PYROXD1: variants seen among roughly 807,000 people sequenced by gnomAD.
The protein encoded by PYROXD1 is pyridine nucleotide-disulphide oxidoreductase domain 1, also known as tRNA ligase complex-associated NAD(P)H dehydrogenase PYROXD1.
Under a neutral mutation model 62.0 loss-of-function variants are expected in PYROXD1, and 42 were observed. The observed-to-expected ratio is 0.68, with a 90% confidence interval of 0.53 to 0.88. The LOEUF is 0.88. Ranked by LOEUF, PYROXD1 falls within the 40% of genes least tolerant of loss-of-function variation. The pLI, the probability that PYROXD1 is intolerant of heterozygous loss-of-function variation, is 0.00. For synonymous variants in PYROXD1, 170 were observed against 206.4 expected, an observed-to-expected ratio of 0.82 and a Z score of 1.51; for missense variants, 493 against 604.8, an observed-to-expected ratio of 0.82 and a Z score of 1.94.
rs1942394394 is a variant in PYROXD1 at position 21,446,642 on chromosome 12, G to A, written c.285+1176G>A. On this transcript the variant is annotated intron_variant, in intron 3 of 11. Coordinates refer to ENST00000240651, the MANE Select transcript of PYROXD1 (RefSeq NM_024854.5). Reference sequence around the variant, plus strand: ...GTGAAGAGTCAGGAAATTATGTACAGGCTCATGCCTATAATCCCCAGCACT... The same window carrying A: ...GTGAAGAGTCAGGAAATTATGTACAAGCTCATGCCTATAATCCCCAGCACT... Among the ~76,000 whole-genome samples, 3 of 151,900 alleles carry A rather than the reference G, an allele frequency of 2.0e-5. No homozygotes were observed. In the South Asian group the frequency reaches 6.2e-4, roughly 32 times the overall value.
chr12:21,438,824 A>G (rs1400112056), intron 1 of PYROXD1, among the ~76,000 whole-genome samples: 1 of 152,166 alleles, frequency 6.6e-6, no homozygotes, highest in Non-Finnish European at 1.5e-5. Flanking sequence ...CACTAAGTAA[A>G]CATATATGAT....
At chr12:21,452,520 C>G (rs1480539453) in intron 5 of PYROXD1, among the ~76,000 whole-genome samples, 1 of 152,048 alleles carries the variant, frequency 6.6e-6, no homozygotes, top group East Asian at 1.9e-4. Flanking sequence ...TAGCCCTCAC[C>G]ACTTTTTATT....
intron 4 of PYROXD1, among the ~76,000 whole-genome samples, chr12:21,451,701 T>G (rs572238915): frequency 4.1e-5 from 6 of 146,684 alleles, no homozygotes; most frequent in African/African-American, 1.3e-4. Context: ...CCTAGAAGTT[T>G]TAAGTGTTGA....
At chr12:21,454,512 AAT>A (rs1307631653) in intron 5 of PYROXD1, among the ~76,000 whole-genome samples, 4 of 152,002 alleles carry the variant, frequency 2.6e-5, no homozygotes, top group African/African-American at 7.2e-5. Context: ...CCTAGAATAA[AAT>A]ATCACATGCC....
At chr12:21,451,388 A>G (rs1942495497) in intron 4 of PYROXD1, among the ~76,000 whole-genome samples, 1 of 151,606 alleles carries the variant, frequency 6.6e-6, no homozygotes, top group Admixed American at 6.6e-5. Flanking sequence ...GCTCATTGTG[A>G]TCTTTTTTTT....
rs1396546987 is a variant in PYROXD1 at position 21,467,313 on chromosome 12, A to C, written c.1117-168A>C. On this transcript the variant is annotated intron_variant, in intron 10 of 11. Coordinates refer to ENST00000240651, the MANE Select transcript of PYROXD1 (RefSeq NM_024854.5). ...GGCAGTAATTTAGATAGAATTAACA[A>C]ATACCAAAAATCAGTCTGATTAGTT... The C allele has an allele frequency of 5.6e-6, 3 of 531,362 alleles. No individual in the cohort carries two copies. The Admixed American group carries it at 1.2e-4, about 20-fold the overall frequency. 32.9% of individuals were successfully genotyped at this position (531,362 alleles called of 1,614,324 possible). A position where few individuals can be genotyped will look rare whatever the true frequency, so the allele number is the denominator to read the frequency against.
At chr12:21,448,687 A>G (rs1942437456) in intron 3 of PYROXD1, among the ~76,000 whole-genome samples, 1 of 152,254 alleles carries the variant, frequency 6.6e-6, no homozygotes, top group Non-Finnish European at 1.5e-5. Flanking sequence ...TAAGTCAAAC[A>G]CTTGGCACAA....
chr12:21,438,754 TAAG>T lies in PYROXD1; in HGVS notation c.84+943_84+945del, dbSNP rs1262524065. On this transcript the variant is annotated intron_variant, in intron 1 of 11. Transcript: ENST00000240651. Reference sequence around the variant, plus strand: ...TAAACATGAGCAATCACTGAAGTCATAAGAAATAGTGGAAGAAACTCAAGTGTT... The same window carrying T: ...TAAACATGAGCAATCACTGAAGTCATAAATAGTGGAAGAAACTCAAGTGTT... Among the ~76,000 whole-genome samples, 4 of 152,302 alleles carry T rather than the reference TAAG, an allele frequency of 2.6e-5. No individual in the cohort carries two copies. In the South Asian group the frequency reaches 6.2e-4, roughly 24 times the overall value.
At chr12:21,440,234 G>A in intron 1 of PYROXD1, 134 bp from the exon 2 acceptor site, 2 of 558,754 alleles carry the variant, frequency 3.6e-6, no homozygotes, top group East Asian at 6.1e-5. Flanking sequence ...GAGACCTTTA[G>A]ATGAGGAACA....
chr12:21,462,215 T>A, intron 9 of PYROXD1, 95 bp downstream of exon 9: 1 of 706,894 alleles, frequency 1.4e-6, no homozygotes, highest in Non-Finnish European at 2.5e-6. Context: ...TATTTTAGTG[T>A]ACAACTGTAA....
intron 7 of PYROXD1, among the ~76,000 whole-genome samples, chr12:21,459,644 G>A (rs575822402): frequency 6.6e-6 from 1 of 152,276 alleles, no homozygotes. Flanking sequence ...CAACATGTGG[G>A]ACCTGATGCT....
chr12:21,441,845 G>A (rs1390861121), intron 2 of PYROXD1, among the ~76,000 whole-genome samples: 1 of 152,206 alleles, frequency 6.6e-6, no homozygotes, highest in Non-Finnish European at 1.5e-5. Context: ...TGACACACTT[G>A]CTGTTTTCAG....
chr12:21,462,188 C>T, intron 9 of PYROXD1, 68 bp downstream of exon 9: 1 of 827,246 alleles, frequency 1.2e-6, no homozygotes, highest in Non-Finnish European at 2.0e-6. Context: ...CTCTAATTCT[C>T]AAACATGAAT....
At chr12:21,450,828 A>G (rs1185258992) in intron 4 of PYROXD1, among the ~76,000 whole-genome samples, 2 of 152,206 alleles carry the variant, frequency 1.3e-5, no homozygotes, top group Admixed American at 6.5e-5. Context: ...TCGGTCCTCT[A>G]CATACATGAA....
chr12:21,462,751 A>C lies in PYROXD1; in HGVS notation c.1005A>C (p.Gly335=). 9 of 1,613,856 alleles carry C rather than the reference A, an allele frequency of 5.6e-6. No individual in the cohort carries two copies. Among genetic ancestry groups the C allele is most frequent in the Non-Finnish European group, 7.6e-6 (9 of 1,179,860 alleles). The change falls in exon 10 of 12, where the codon GGA becomes GGC. Residue 335 remains glycine, a synonymous_variant. Transcript: ENST00000240651. ...GGAATGTTGTTTAGTTTGATCTAGG[A>C]GAAGATGGTGGCCTGAAAGTGGATG... ...PFLHGNSFDL[G]EDGGLKVDDH...
At chr12:21,449,852 TTC>T (rs1203886301) in intron 4 of PYROXD1, among the ~76,000 whole-genome samples, 161 bp downstream of exon 4, 2 of 106,620 alleles carry the variant, frequency 1.9e-5, no homozygotes, top group Non-Finnish European at 2.1e-5. Context: ...CCTGCCAATT[TTC>T]TTTCTTTTTT....
chr12:21,449,415 T>G (rs1349563857), intron 3 of PYROXD1, 148 bp from the exon 4 acceptor site: 1 of 579,266 alleles, frequency 1.7e-6, no homozygotes, highest in Non-Finnish European at 3.0e-6. Flanking sequence ...GTTTTGTAAT[T>G]GCTATAACAA....
chr12:21,450,961 A>G (rs1214793771), intron 4 of PYROXD1, among the ~76,000 whole-genome samples: 1 of 152,220 alleles, frequency 6.6e-6, no homozygotes, highest in Non-Finnish European at 1.5e-5. Flanking sequence ...TATCAGATAC[A>G]CAATTTAAAC....
At position 21,470,729 on chromosome 12, in the gene PYROXD1, C is replaced by T. The variant is rs1028604098; in HGVS notation, c.*1975C>T. ...TGCATAACAAAATTAGATATTCAAA[C>T]GGAGTCCTCCCATTCCAAGAAACTG... On this transcript the variant is annotated 3_prime_UTR_variant, in exon 12 of 12. Transcript: ENST00000240651. The T allele has an allele frequency of 7.7e-5, 26 of 337,866 alleles. 1 individual carries two copies. The highest frequency in any genetic ancestry group is 5.6e-4 in the East Asian group (11 of 19,490). The allele number at this position is 337,866 out of a possible 1,614,324, so 20.9% of individuals were successfully genotyped here. A position where few individuals can be genotyped will look rare whatever the true frequency, so the allele number is the denominator to read the frequency against.
Sources: gnomAD v4.1 joint callset for allele counts (sites outside exome capture counted in the v4.1 genomes callset) on GRCh38, gnomAD v4.1.1 for gene constraint, MANE v1.5 for transcripts, NCBI Gene and HGNC (gene_info 2026-07-23, HGNC 2026-07-21) for gene names.